SGCZ: variants seen among roughly 807,000 people sequenced by gnomAD.
SGCZ encodes zeta-sarcoglycan.
Under a neutral mutation model 41.3 loss-of-function variants are expected in SGCZ, and 40 were observed. The ratio of observed to expected loss-of-function variants is 0.97; its 90% CI spans 0.75 to 1.26. The LOEUF (loss-of-function observed/expected upper bound fraction) is 1.26. SGCZ is among the 50% of genes most tolerant of loss of function. SGCZ has a pLI of 0.00. For synonymous variants in SGCZ, 206 were observed against 137.5 expected, an observed-to-expected ratio of 1.50 and a Z score of -3.49; for missense variants, 552 against 369.8, an observed-to-expected ratio of 1.49 and a Z score of -4.04.
intron 5 of SGCZ, among the ~76,000 whole-genome samples, chr8:14,158,704 G>T (rs1563159311): frequency 6.6e-6 from 1 of 152,148 alleles, no homozygotes; most frequent in Non-Finnish European, 1.5e-5. Context: ...CTGAATGATG[G>T]CCAGCAAGGA....
At chr8:15,056,894 C>T (rs752773578) in intron 1 of SGCZ, among the ~76,000 whole-genome samples, 4 of 152,096 alleles carry the variant, frequency 2.6e-5, no homozygotes, top group East Asian at 1.9e-4. Flanking sequence ...TATTGCTCAC[C>T]GTTCTGACAG....
At chr8:14,514,089 C>T (rs1802542442) in intron 2 of SGCZ, among the ~76,000 whole-genome samples, 1 of 151,938 alleles carries the variant, frequency 6.6e-6, no homozygotes, top group African/African-American at 2.4e-5. Flanking sequence ...TAGGTTAGTC[C>T]TTTGAGAAGA....
chr8:15,014,052 G>A (rs551609193), intron 1 of SGCZ, among the ~76,000 whole-genome samples: 8 of 152,276 alleles, frequency 5.3e-5, no homozygotes, highest in Non-Finnish European at 1.0e-4. Flanking sequence ...GGATTAGTGA[G>A]AATAATAAAT....
chr8:14,746,022 A>C (rs111312753), intron 1 of SGCZ, among the ~76,000 whole-genome samples: 4,124 of 152,128 alleles, frequency 0.027, 192 homozygotes, highest in African/African-American at 0.094. Flanking sequence ...GTTTTCTTAC[A>C]AACAATAAAT....
intron 4 of SGCZ, among the ~76,000 whole-genome samples, chr8:14,212,572 C>T (rs953080548): frequency 1.3e-5 from 2 of 150,788 alleles, no homozygotes; most frequent in Non-Finnish European, 2.9e-5. Context: ...AAACCTAAAC[C>T]AGGTGGCGTG....
At chr8:14,945,707 A>G (rs1217906003) in intron 1 of SGCZ, among the ~76,000 whole-genome samples, 1 of 151,802 alleles carries the variant, frequency 6.6e-6, no homozygotes, top group Non-Finnish European at 1.5e-5. Context: ...GGGCCCAGAT[A>G]GGACACAAAG....
At chr8:14,243,267 G>C (rs187950303) in intron 3 of SGCZ, among the ~76,000 whole-genome samples, 1 of 152,248 alleles carries the variant, frequency 6.6e-6, no homozygotes, top group East Asian at 1.9e-4. Flanking sequence ...CTCAGGGATG[G>C]AAATATAGAA....
At chr8:15,135,044 G>C (rs1808056364) in intron 1 of SGCZ, among the ~76,000 whole-genome samples, 1 of 152,098 alleles carries the variant, frequency 6.6e-6, no homozygotes, top group South Asian at 2.1e-4. Flanking sequence ...AGTTCATTTA[G>C]GCATCTTCAT....
intron 1 of SGCZ, among the ~76,000 whole-genome samples, chr8:14,738,353 A>C: frequency 6.6e-6 from 1 of 152,066 alleles, no homozygotes; most frequent in South Asian, 2.1e-4. Flanking sequence ...GTGTGATCTA[A>C]ACCACTCTCA....
chr8:14,726,174 A>T (rs1810043657), intron 1 of SGCZ, among the ~76,000 whole-genome samples: 1 of 150,046 alleles, frequency 6.7e-6, no homozygotes, highest in Non-Finnish European at 1.5e-5. Flanking sequence ...CAGGAGAATC[A>T]CTTGAACCTG....
intron 5 of SGCZ, among the ~76,000 whole-genome samples, chr8:14,112,453 G>C (rs530982465): frequency 1.3e-5 from 2 of 151,946 alleles, no homozygotes; most frequent in Non-Finnish European, 2.9e-5. Context: ...CAGGTCCAGG[G>C]ATATTTTTCT....
chr8:14,531,430 A>T (rs1410032884), intron 2 of SGCZ, among the ~76,000 whole-genome samples: 2 of 151,950 alleles, frequency 1.3e-5, no homozygotes, highest in African/African-American at 4.8e-5. Flanking sequence ...AAAAACCTGT[A>T]ACATTCCCTC....
intron 4 of SGCZ, among the ~76,000 whole-genome samples, chr8:14,207,896 T>C (rs1451400616): frequency 6.6e-6 from 1 of 151,758 alleles, no homozygotes; most frequent in Admixed American, 6.6e-5. Flanking sequence ...CTACTGGAAG[T>C]GCAAACTGGC....
In SGCZ at chr8:14,344,599, G is replaced by T. The variant is rs943632202; in HGVS notation, c.235-20395C>A. ...CACAATGCAAAAGAGAAAGGGAAAA[G>T]GGGGGAACGAAAGGCTTAGAAAAGC... is the stretch of plus-strand genomic sequence containing the variant. On this transcript the variant is annotated intron_variant, in intron 2 of 7. Transcript: ENST00000382080. 3.2e-4 allele frequency among the ~76,000 whole-genome samples: 48 copies of T among 152,162 alleles called. 2 individuals are homozygous for T. Among genetic ancestry groups the T allele is most frequent in the Admixed American group, 1.2e-3 (18 of 15,268 alleles).
chr8:14,185,153 G>C (rs1804861403), intron 4 of SGCZ, among the ~76,000 whole-genome samples: 1 of 152,098 alleles, frequency 6.6e-6, no homozygotes, highest in Admixed American at 6.5e-5. Flanking sequence ...TGTAATCCCA[G>C]CACTTTGGGA....
At chr8:14,149,756 A>C (rs1803641292) in intron 5 of SGCZ, among the ~76,000 whole-genome samples, 1 of 152,120 alleles carries the variant, frequency 6.6e-6, no homozygotes, top group Admixed American at 6.6e-5. Context: ...CTGGAGTAAT[A>C]CATCACCTGA....
intron 2 of SGCZ, among the ~76,000 whole-genome samples, chr8:14,479,727 A>ATTTTTTTTTTTTT (rs1244101937): frequency 9.1e-6 from 1 of 109,390 alleles, no homozygotes; most frequent in Admixed American, 1.0e-4. Context: ...CCAGAATTCT[A>ATTTTTTTTTTTTT]CTTCTTTTTT....
Position 14,553,586 on chromosome 8 carries a change from G to A in SGCZ, c.234+1146C>T, listed in dbSNP as rs559897567. ...TTATCTTGATATGCAAGGTGACAGT[G>A]TCTCCTCTCTGGAAGGTTAAGCCAC... On this transcript the variant is annotated intron_variant, in intron 2 of 7. Transcript: ENST00000382080. Among the ~76,000 whole-genome samples the A allele has an allele frequency of 1.6e-4, 25 of 152,148 alleles. No individual in the cohort carries two copies. In the East Asian group the frequency reaches 4.3e-3, roughly 26 times the overall value.
intron 1 of SGCZ, among the ~76,000 whole-genome samples, chr8:14,699,256 C>A (rs923805495): frequency 6.7e-6 from 1 of 148,524 alleles, no homozygotes; most frequent in African/African-American, 2.5e-5. Flanking sequence ...ATATATATAC[C>A]AATCTTTTCA....
Sources: gnomAD v4.1 joint callset for allele counts (sites outside exome capture counted in the v4.1 genomes callset) on GRCh38, gnomAD v4.1.1 for gene constraint, MANE v1.5 for transcripts, NCBI Gene and HGNC (gene_info 2026-07-23, HGNC 2026-07-21) for gene names.